Variants in GPX4 observed in about 807,000 individuals in gnomAD.
GPX4 encodes glutathione peroxidase 4.
Under a neutral mutation model 27.8 loss-of-function variants are expected in GPX4, and 28 were observed. The observed-to-expected ratio is 1.01, with a 90% CI of 0.75 to 1.38. The LOEUF (loss-of-function observed/expected upper bound fraction) is 1.38. Among genes scored for constraint, GPX4 ranks in the 40% most tolerant of loss-of-function variants. GPX4 has a pLI of 0.00. For missense variants in GPX4, 357 were observed against 274.1 expected (o/e 1.30, Z -2.14); for synonymous variants, 163 against 107.8 (o/e 1.51, Z -3.17).
rs750939686 is a variant in GPX4, at chr19:1,105,349, G to C, written c.180-17G>C. On this transcript the variant is annotated splice_polypyrimidine_tract_variant and intron_variant, in intron 2 of 6. Coordinates refer to ENST00000354171, the MANE Select transcript of GPX4 (RefSeq NM_002085.5). Reference sequence around the variant, plus strand: ...GGGGGCCGTGTTCTTCTGCGCTGACGCCGCCGATCCTCGCAGGGGCTTCGT... The same window carrying C: ...GGGGGCCGTGTTCTTCTGCGCTGACCCCGCCGATCCTCGCAGGGGCTTCGT... 2.5e-6 allele frequency: 4 copies of C among 1,611,418 alleles called. No homozygotes were observed. The African/African-American group carries it at 5.3e-5, about 22-fold the overall frequency.
Position 1,105,656 on chromosome 19 carries a change from A to C in GPX4, c.325-2A>C. On this transcript the variant is annotated splice_acceptor_variant, in intron 3 of 6. Coordinates refer to ENST00000354171, the MANE Select transcript of GPX4 (RefSeq NM_002085.5). LOFTEE classifies it high-confidence loss of function. ...CTCACTCACACACCTTGGCCGCCAC[A>C]GGAGCCAGGGAGTAACGAAGAGATC... The C allele has an allele frequency of 6.2e-7, 1 of 1,612,490 alleles. No individual in the cohort carries two copies. Among genetic ancestry groups the C allele is most frequent in the Non-Finnish European group, 8.5e-7 (1 of 1,179,484 alleles).
rs545537200 is a variant in GPX4, at chr19:1,105,489, G to T, written c.303G>T (p.Pro101=). 4.3e-6 allele frequency: 7 copies of T among 1,611,840 alleles called. 1 individual carries two copies. The South Asian group carries it at 7.7e-5, about 18-fold the overall frequency. The change falls in exon 3 of 7, where the codon CCG becomes CCT. Residue 101 remains proline (P), a synonymous_variant. Coordinates refer to ENST00000354171, the MANE Select transcript of GPX4 (RefSeq NM_002085.5). ...AECGLRILAF[P]CNQFGKQEPG... ...GTGGTTTGCGGATCCTGGCCTTCCCGTGTAACCAGTTCGGGAAGCAGGTGG... is the reference window on the plus strand; with the variant it reads ...GTGGTTTGCGGATCCTGGCCTTCCCTTGTAACCAGTTCGGGAAGCAGGTGG...
At position 1,105,795 on chromosome 19, in the gene GPX4, G is replaced by C. The variant is rs748668129; in HGVS notation, c.462G>C (p.Lys154Asn). The change falls in exon 4 of 7, where the codon AAG becomes AAC. Residue 154 changes from lysine (K) to asparagine (N), a missense_variant. Lys to Asn is a moderately conservative substitution (Grantham distance 94). Coordinates refer to ENST00000354171, the MANE Select transcript of GPX4 (RefSeq NM_002085.5). ...GGATGAAGATCCAACCCAAGGGCAA[G>C]GGCATCCTGGGAAAGTGCGTGACCT... Reference protein sequence around the residue: ...WKWMKIQPKGKGILGNAIKWN... With the variant: ...WKWMKIQPKGNGILGNAIKWN... 9.5e-6 allele frequency: 15 copies of C among 1,572,588 alleles called. No individual in the cohort carries two copies. Among genetic ancestry groups the C allele is most frequent in the African/African-American group, 8.1e-5 (6 of 73,916 alleles).
At chr19:1,105,927 C>T in intron 4 of GPX4, 118 bp downstream of exon 4, 1 of 1,239,898 alleles carries the variant, frequency 8.1e-7, no homozygotes, top group Non-Finnish European at 1.1e-6. Flanking sequence ...CGGGGAGGTG[C>T]TGGGACTCTC....
chr19:1,104,947 A>G, intron 1 of GPX4: 2 of 1,471,272 alleles, frequency 1.4e-6, no homozygotes. Flanking sequence ...CGGGGCCCCC[A>G]CACCGGCTAA....
In GPX4 at chr19:1,104,180, C is replaced by T. The variant is rs1003429854; in HGVS notation, c.84+53C>T. 6 of 1,339,776 alleles carry T rather than the reference C, an allele frequency of 4.5e-6. No individual in the cohort carries two copies. In the African/African-American group the frequency reaches 7.7e-5, roughly 17 times the overall value. The allele number at this position is 1,339,776 out of a possible 1,614,324, so 83.0% of individuals were successfully genotyped here. ...CCCGGTGACCGTTGGGGCGGGCGCG[C>T]GATCCCTGCCTCCGCTCGCCGGCGT... is the stretch of plus-strand genomic sequence containing the variant. On this transcript the variant is annotated intron_variant, in intron 1 of 6. Transcript: ENST00000354171.
intron 4 of GPX4, 55 bp from the exon 5 acceptor site, chr19:1,106,187 T>C: frequency 6.6e-7 from 1 of 1,521,526 alleles, no homozygotes; most frequent in East Asian, 2.3e-5. Flanking sequence ...ACAGGACAGC[T>C]TGGGGACTGT....
intron 1 of GPX4, 158 bp from the exon 2 acceptor site, chr19:1,105,028 A>G: frequency 6.8e-7 from 1 of 1,465,904 alleles, no homozygotes; most frequent in Admixed American, 2.4e-5. Context: ...CAGAAGTACA[A>G]GGGGGCGTGT....
Position 1,105,257 on chromosome 19 carries a change from C to A in GPX4, c.156C>A (p.His52Gln). The A allele has an allele frequency of 6.2e-7, 1 of 1,613,082 alleles. No individual in the cohort carries two copies. The highest frequency in any genetic ancestry group is 1.1e-5 in the South Asian group (1 of 91,086). The change falls in exon 2 of 7, where the codon CAC becomes CAA. Residue 52 changes from histidine to glutamine, a missense_variant. By Grantham distance (24) the His-to-Gln change is conservative. Transcript: ENST00000354171. The part of the protein sequence containing the change: ...HEFSAKDIDG[H>Q]MVNLDKYRGF... The stretch of plus-strand genomic sequence containing the variant: ...TTTCCGCCAAGGACATCGACGGGCA[C>A]ATGGTTAACCTGGACAAGTACCGGT...
chr19:1,104,776 G>A, intron 1 of GPX4: 1 of 988,658 alleles, frequency 1.0e-6, no homozygotes, highest in South Asian at 4.7e-5. Context: ...GCCGCAGGCA[G>A]CGGTGCCAGA....
In GPX4 at chr19:1,105,428, C is replaced by T; in HGVS notation, c.242C>T (p.Thr81Ile). ...TGAGGCAAGACCGAAGTAAACTACA[C>T]TCAGCTCGTCGACCTGCACGCCCGA... Reference protein sequence around the residue: ...SQUGKTEVNYTQLVDLHARYA... With the variant: ...SQUGKTEVNYIQLVDLHARYA... The change falls in exon 3 of 7, where the codon ACT becomes ATT. Residue 81 changes from threonine (T) to isoleucine (I), a missense_variant. By Grantham distance (89) the Thr-to-Ile change is moderately conservative (BLOSUM62 -1). Coordinates refer to ENST00000354171, the MANE Select transcript of GPX4 (RefSeq NM_002085.5). 2.5e-6 allele frequency: 4 copies of T among 1,612,392 alleles called. No individual in the cohort carries two copies. The highest frequency in any genetic ancestry group is 2.2e-5 in the East Asian group (1 of 44,874).
intron 3 of GPX4, 52 bp downstream of exon 3, chr19:1,105,562 G>GGCCCGGC: frequency 6.2e-7 from 1 of 1,602,562 alleles, no homozygotes; most frequent in Non-Finnish European, 8.5e-7. Flanking sequence ...GGGGGTCGGG[G>GGCCCGGC]TGGGCTCCAG....
intron 1 of GPX4, chr19:1,104,924 G>T: frequency 6.9e-7 from 1 of 1,450,668 alleles, no homozygotes; most frequent in East Asian, 2.5e-5. Flanking sequence ...CAAGTCCCAG[G>T]ACCCGGTGCG....
rs1599811160 is a variant in GPX4 at position 1,106,286 on chromosome 19, T to C, written c.501+20T>C. 3 of 1,581,096 alleles carry C rather than the reference T, an allele frequency of 1.9e-6. No individual in the cohort carries two copies. Among genetic ancestry groups the C allele is most frequent in the East Asian group, 4.5e-5 (2 of 44,480 alleles). On this transcript the variant is annotated intron_variant, in intron 5 of 6. Coordinates refer to ENST00000354171, the MANE Select transcript of GPX4 (RefSeq NM_002085.5). Reference sequence around the variant, plus strand: ...ACCAAGGTAAGGGGGCTGTGGGGGGTAGGGGACCAGCTTCCCCTGGCCACA... The same window carrying C: ...ACCAAGGTAAGGGGGCTGTGGGGGGCAGGGGACCAGCTTCCCCTGGCCACA...
At chr19:1,104,541 T>G in intron 1 of GPX4, 1 of 757,512 alleles carries the variant, frequency 1.3e-6, no homozygotes, top group Non-Finnish European at 1.6e-6. Context: ...GCGGGGCTGC[T>G]GCGCCCGAGC....
chr19:1,106,392 C>T lies in GPX4; in HGVS notation c.502-8C>T. 1 of 1,613,570 alleles carries T rather than the reference C, an allele frequency of 6.2e-7. No homozygotes were observed. Reference sequence around the variant, plus strand: ...TGGCCCCACAGTTTGGACACCGTCTCTCCACAGTTCCTCATCGACAAGAAC... The same window carrying T: ...TGGCCCCACAGTTTGGACACCGTCTTTCCACAGTTCCTCATCGACAAGAAC... On this transcript the variant is annotated splice_polypyrimidine_tract_variant and splice_region_variant and intron_variant, in intron 5 of 6. Coordinates refer to ENST00000354171, the MANE Select transcript of GPX4 (RefSeq NM_002085.5).
At chr19:1,106,329 C>G (rs775477311) in intron 5 of GPX4, 63 bp downstream of exon 5, 1 of 1,608,216 alleles carries the variant, frequency 6.2e-7, no homozygotes, top group South Asian at 1.1e-5. Flanking sequence ...CCCAGATGGG[C>G]AGCGGACAGG....
At chr19:1,104,869 G>A (rs1297610774) in intron 1 of GPX4, 2 of 1,232,518 alleles carry the variant, frequency 1.6e-6, no homozygotes, top group South Asian at 2.1e-5. Context: ...GCCGGCGGAA[G>A]AAGCCCTGTC....
rs955869469 is a variant in GPX4 at position 1,104,130 on chromosome 19, G to A, written c.84+3G>A. ...CGCCTGGCCTGGCCGGGACCATGGT[G>A]AGCTAGCGCCGCGGCCGTTGCCGGC... is the stretch of plus-strand genomic sequence containing the variant. On this transcript the variant is annotated splice_donor_region_variant and intron_variant, in intron 1 of 6. Coordinates refer to ENST00000354171, the MANE Select transcript of GPX4 (RefSeq NM_002085.5). The A allele has an allele frequency of 3.4e-6, 5 of 1,461,702 alleles. No homozygotes were observed. The highest frequency in any genetic ancestry group is 4.5e-6 in the Non-Finnish European group (5 of 1,113,302). 90.5% of individuals were successfully genotyped at this position (1,461,702 alleles called of 1,614,324 possible). A position where few individuals can be genotyped will look rare whatever the true frequency, so the allele number is the denominator to read the frequency against.
Sources: gnomAD v4.1 joint callset for allele counts on GRCh38, gnomAD v4.1.1 for gene constraint, MANE v1.5 for transcripts, NCBI Gene and HGNC (gene_info 2026-07-23, HGNC 2026-07-21) for gene names.